NR1H4: variants seen among roughly 807,000 people sequenced by gnomAD.
NR1H4 encodes the protein nuclear receptor subfamily 1 group H member 4.
In NR1H4, 23 loss-of-function variants were observed where a neutral mutation model predicts 58.5. The ratio of observed to expected loss-of-function variants is 0.39; its 90% CI spans 0.28 to 0.56. The LOEUF (loss-of-function observed/expected upper bound fraction) is 0.56, where lower values mean the gene tolerates loss of function less well. Ranked by LOEUF, NR1H4 falls within the 20% of genes least tolerant of loss-of-function variation. NR1H4 has a pLI of 0.58. For missense variants in NR1H4, 487 were observed against 576.9 expected (o/e 0.84, Z 1.60); for synonymous variants, 214 against 198.0 (o/e 1.08, Z -0.68).
At chr12:100,549,252 C>A (rs970382333) in intron 9 of NR1H4, among the ~76,000 whole-genome samples, 20 of 152,088 alleles carry the variant, frequency 1.3e-4, no homozygotes, top group African/African-American at 3.4e-4. Flanking sequence ...GCAGGAGAAT[C>A]CCTGGAACCT....
chr12:100,561,182 G>T (rs542988205), intron 9 of NR1H4, among the ~76,000 whole-genome samples: 5 of 151,830 alleles, frequency 3.3e-5, no homozygotes, highest in African/African-American at 1.2e-4. Context: ...GGATCACGAG[G>T]TCAGGAGATC....
intron 4 of NR1H4, 75 bp downstream of exon 4, chr12:100,511,218 C>T: frequency 6.3e-7 from 1 of 1,593,422 alleles, no homozygotes; most frequent in Non-Finnish European, 8.6e-7. Context: ...GAACTAATTG[C>T]TTCCCTTTTC....
At chr12:100,517,712 G>T (rs1954303648) in intron 4 of NR1H4, among the ~76,000 whole-genome samples, 1 of 152,138 alleles carries the variant, frequency 6.6e-6, no homozygotes, top group South Asian at 2.1e-4. Flanking sequence ...TTTATTGATA[G>T]TCATTCTAAA....
At chr12:100,558,086 C>T (rs1036918510) in intron 9 of NR1H4, among the ~76,000 whole-genome samples, 6 of 151,288 alleles carry the variant, frequency 4.0e-5, no homozygotes, top group Non-Finnish European at 5.9e-5. Flanking sequence ...TTGGCCCGGG[C>T]GTGGTGGCTC....
At chr12:100,547,802 C>T (rs992153050) in intron 9 of NR1H4, among the ~76,000 whole-genome samples, 3 of 151,742 alleles carry the variant, frequency 2.0e-5, no homozygotes, top group African/African-American at 7.2e-5. Flanking sequence ...CTCACTGCAA[C>T]CTCCGCCTCC....
At chr12:100,559,930 TTTG>T (rs1955427315) in intron 9 of NR1H4, among the ~76,000 whole-genome samples, 1 of 152,102 alleles carries the variant, frequency 6.6e-6, no homozygotes, top group African/African-American at 2.4e-5. Context: ...TAGCTCAAGG[TTTG>T]TGAGTGCACC....
chr12:100,481,463 A>C (rs1953377763), intron 1 of NR1H4, among the ~76,000 whole-genome samples: 1 of 152,216 alleles, frequency 6.6e-6, no homozygotes, highest in African/African-American at 2.4e-5. Flanking sequence ...AACAACGGGA[A>C]ATTCGCGAGA....
rs573608813 is a variant in NR1H4, at chr12:100,492,505, A to G, written c.-187A>G. 1 of 152,306 alleles carries G rather than the reference A, an allele frequency of 6.6e-6. No homozygotes were observed. The highest frequency in any genetic ancestry group is 2.4e-5 in the African/African-American group (1 of 41,558). The allele number at this position is 152,306 out of a possible 1,614,324, so 9.4% of individuals were successfully genotyped here. On this transcript the variant is annotated splice_region_variant and 5_prime_UTR_variant, in exon 2 of 11. Coordinates refer to ENST00000392986, the MANE Select transcript of NR1H4 (RefSeq NM_001206979.2). ...AACCTTTCAAATTACTTCTTTAGGG[A>G]GGTAGAAGACATCGTAGAAGGAGTG...
In NR1H4 at chr12:100,511,053, G is replaced by A; in HGVS notation, c.355G>A (p.Gly119Arg). ...GAAGCCCCGCATGGGCGCGTCAGCAGGGAGGATCAAAGGGGATGAGCTGTG... is the reference window on the plus strand; with the variant it reads ...GAAGCCCCGCATGGGCGCGTCAGCAAGGAGGATCAAAGGGGATGAGCTGTG... ...TKKPRMGASAGRIKGDELCVV... is the reference protein window; with the variant it reads ...TKKPRMGASARRIKGDELCVV... The change falls in exon 4 of 11, where the codon GGG becomes AGG. Residue 119 changes from glycine to arginine, a missense_variant. Transcript: ENST00000392986. 2 of 1,614,266 alleles carry A rather than the reference G, an allele frequency of 1.2e-6. No homozygotes were observed. The highest frequency in any genetic ancestry group is 8.5e-7 in the Non-Finnish European group (1 of 1,180,054).
intron 1 of NR1H4, among the ~76,000 whole-genome samples, chr12:100,491,325 G>T (rs1359595685): frequency 6.6e-5 from 10 of 151,860 alleles, no homozygotes. Flanking sequence ...GCCCTCTTGG[G>T]TTCGGAGTTC....
chr12:100,533,867 T>A (rs1164623383), intron 5 of NR1H4, among the ~76,000 whole-genome samples: 1 of 152,086 alleles, frequency 6.6e-6, no homozygotes, highest in African/African-American at 2.4e-5. Flanking sequence ...GGAAGATTGT[T>A]TTACATTATT....
intron 1 of NR1H4, among the ~76,000 whole-genome samples, chr12:100,489,492 A>C (rs988225557): frequency 3.9e-5 from 6 of 152,226 alleles, no homozygotes; most frequent in Non-Finnish European, 8.8e-5. Flanking sequence ...GGCACTGAAT[A>C]TGAATTTCAT....
intron 4 of NR1H4, among the ~76,000 whole-genome samples, chr12:100,530,540 A>G (rs1404161010): frequency 6.6e-6 from 1 of 152,208 alleles, no homozygotes; most frequent in Non-Finnish European, 1.5e-5. Flanking sequence ...CCCATCTGGC[A>G]GAAATTTCAC....
chr12:100,521,256 AT>A (rs1248991261), intron 4 of NR1H4, among the ~76,000 whole-genome samples: 1 of 152,242 alleles, frequency 6.6e-6, no homozygotes, highest in Non-Finnish European at 1.5e-5. Flanking sequence ...ATAAGTATTT[AT>A]AGCATCAATG....
intron 1 of NR1H4, among the ~76,000 whole-genome samples, chr12:100,492,274 C>T (rs1018832667): frequency 6.0e-4 from 92 of 152,106 alleles, no homozygotes; most frequent in African/African-American, 2.1e-3. Flanking sequence ...AAGAGAGATA[C>T]GAATAATGGG....
intron 3 of NR1H4, among the ~76,000 whole-genome samples, chr12:100,506,626 A>C (rs1953972336): frequency 6.6e-6 from 1 of 152,120 alleles, no homozygotes; most frequent in African/African-American, 2.4e-5. Flanking sequence ...CTCCTGCCTC[A>C]GCCTCCCGAG....
At chr12:100,515,137 G>A (rs896788469) in intron 4 of NR1H4, among the ~76,000 whole-genome samples, 1 of 146,060 alleles carries the variant, frequency 6.8e-6, no homozygotes, top group Non-Finnish European at 1.5e-5. Flanking sequence ...TCAGGCATAT[G>A]AAGTTTGCCT....
At chr12:100,510,696 A>G (rs1284690449) in intron 3 of NR1H4, 82 bp from the exon 4 acceptor site, 2 of 1,470,236 alleles carry the variant, frequency 1.4e-6, no homozygotes, top group East Asian at 2.3e-5. Context: ...TAGAGCCCAC[A>G]CTCCTAACCA....
intron 3 of NR1H4, among the ~76,000 whole-genome samples, chr12:100,506,002 A>AACACACACACACACAC (rs398020830): frequency 7.1e-6 from 1 of 141,028 alleles, no homozygotes; most frequent in African/African-American, 2.7e-5. Context: ...AAGTGTTTAT[A>AACACACACACACACAC]ACACACACAC....
Sources: gnomAD v4.1 joint callset for allele counts (sites outside exome capture counted in the v4.1 genomes callset) on GRCh38, gnomAD v4.1.1 for gene constraint, MANE v1.5 for transcripts, NCBI Gene and HGNC (gene_info 2026-07-23, HGNC 2026-07-21) for gene names.